SENP6: variants seen among roughly 807,000 people sequenced by gnomAD.
SENP6 encodes SUMO specific peptidase 6, also known as sentrin-specific protease 6.
SENP6 carries 41 observed loss-of-function variants against 134.5 expected under a neutral mutation model. The observed-to-expected ratio is 0.30, with a 90% CI of 0.24 to 0.40. The LOEUF (loss-of-function observed/expected upper bound fraction) is 0.40. Among genes scored for constraint, SENP6 ranks in the 10% least tolerant of loss-of-function variants. The pLI is 1.00. For missense variants in SENP6, 1,248 were observed against 1,312.5 expected, an observed-to-expected ratio of 0.95 and a Z score of 0.76; for synonymous variants, 395 against 429.8, an observed-to-expected ratio of 0.92 and a Z score of 1.00.
At chr6:75,660,465 T>C (rs1239145987) in intron 8 of SENP6, among the ~76,000 whole-genome samples, 1 of 152,222 alleles carries the variant, frequency 6.6e-6, no homozygotes, top group African/African-American at 2.4e-5. Context: ...GTAACTTTCA[T>C]GATGTTTCAT....
chr6:75,670,363 T>C (rs1465719246), intron 10 of SENP6, among the ~76,000 whole-genome samples, 190 bp from the exon 11 acceptor site: 1 of 152,208 alleles, frequency 6.6e-6, no homozygotes, highest in African/African-American at 2.4e-5. Flanking sequence ...AAAGTATAGC[T>C]AAATAAGATA....
intron 21 of SENP6, among the ~76,000 whole-genome samples, 190 bp downstream of exon 21, chr6:75,711,606 A>C (rs1465009633): frequency 6.6e-6 from 1 of 152,132 alleles, no homozygotes; most frequent in African/African-American, 2.4e-5. Context: ...TCAGTCCTCC[A>C]TTTGCCAGTT....
Position 75,612,674 on chromosome 6 carries a change from A to G in SENP6, c.53-8858A>G, listed in dbSNP as rs73453040. On this transcript the variant is annotated intron_variant, in intron 1 of 23. Coordinates refer to ENST00000447266, the MANE Select transcript of SENP6 (RefSeq NM_015571.4). ...ACATCACTACAGTGGGAGATGATGC[A>G]TAGAAACAGGAAACAGGAAAACTTA... is the stretch of plus-strand genomic sequence containing the variant. Among the ~76,000 whole-genome samples the G allele has an allele frequency of 9.5e-3, 1,441 of 152,308 alleles. 23 individuals carry two copies. Among genetic ancestry groups the G allele is most frequent in the African/African-American group, 0.033 (1,380 of 41,558 alleles).
At chr6:75,628,516 A>G (rs1337907356) in intron 3 of SENP6, among the ~76,000 whole-genome samples, 1 of 152,162 alleles carries the variant, frequency 6.6e-6, no homozygotes, top group Non-Finnish European at 1.5e-5. Flanking sequence ...TTATTCATTT[A>G]GTTCATCTAT....
intron 21 of SENP6, among the ~76,000 whole-genome samples, chr6:75,713,100 A>G (rs1372888563): frequency 6.6e-6 from 1 of 152,106 alleles, no homozygotes. Flanking sequence ...ACCCTGCCTG[A>G]AAAAAATGGG....
chr6:75,687,165 CTCTT>C (rs1472887153), intron 16 of SENP6, among the ~76,000 whole-genome samples: 2 of 152,142 alleles, frequency 1.3e-5, no homozygotes, highest in Admixed American at 6.5e-5. Context: ...ATCACTGATA[CTCTT>C]TCTTCCTCTT....
In SENP6 at chr6:75,617,263, C is replaced by CTTTTTTTT. The variant is rs71002751; in HGVS notation, c.53-4249_53-4242dup. ...GATGGTTTGGAGAATTTCTTTCTTT[C>CTTTTTTTT]TTTTTTTTTTTTTTTTTTTTTTTTT... On this transcript the variant is annotated intron_variant, in intron 1 of 23. Coordinates refer to ENST00000447266, the MANE Select transcript of SENP6 (RefSeq NM_015571.4). Among the ~76,000 whole-genome samples the CTTTTTTTT allele has an allele frequency of 5.3e-3, 310 of 58,112 alleles. 5 individuals carry two copies. Among genetic ancestry groups the CTTTTTTTT allele is most frequent in the Middle Eastern group, 0.019 (1 of 52 alleles). The allele number at this position is 58,112 out of a possible 152,430, so 38.1% of individuals were successfully genotyped here.
chr6:75,602,297 G>T lies in SENP6; in HGVS notation c.-228G>T. On this transcript the variant is annotated 5_prime_UTR_variant, in exon 1 of 24. Coordinates refer to ENST00000447266, the MANE Select transcript of SENP6 (RefSeq NM_015571.4). ...GCGTTCCCCCGGAGAGGCCTGAGAA[G>T]CTCGGGCCGCGGGCCTCGCTGCCCG... is the stretch of plus-strand genomic sequence containing the variant. 2.2e-6 allele frequency: 1 copy of T among 458,158 alleles called. No individual in the cohort carries two copies. Among genetic ancestry groups the T allele is most frequent in the Non-Finnish European group, 3.8e-6 (1 of 261,444 alleles). 28.4% of individuals were successfully genotyped at this position (458,158 alleles called of 1,614,324 possible). A position where few individuals can be genotyped will look rare whatever the true frequency, so the allele number is the denominator to read the frequency against.
intron 3 of SENP6, among the ~76,000 whole-genome samples, chr6:75,630,013 A>G (rs182717613): frequency 1.3e-5 from 2 of 152,304 alleles, no homozygotes; most frequent in African/African-American, 2.4e-5. Flanking sequence ...TTGTATCACA[A>G]ATTCCTGGAA....
chr6:75,687,155 A>G (rs559856996), intron 16 of SENP6, among the ~76,000 whole-genome samples: 211 of 152,174 alleles, frequency 1.4e-3, no homozygotes, highest in African/African-American at 4.9e-3. Flanking sequence ...TTGACCTTCA[A>G]TCACTGATAC....
chr6:75,671,800 A>G (rs186991637), intron 11 of SENP6, among the ~76,000 whole-genome samples: 169 of 152,346 alleles, frequency 1.1e-3, no homozygotes, highest in African/African-American at 3.8e-3. Context: ...AATGAATAAT[A>G]ACTGTTTCTT....
intron 7 of SENP6, among the ~76,000 whole-genome samples, chr6:75,655,490 G>T (rs1174950261): frequency 1.3e-5 from 2 of 152,074 alleles, no homozygotes; most frequent in Non-Finnish European, 2.9e-5. Flanking sequence ...TGTAACCATT[G>T]TTCTGATTTT....
intron 8 of SENP6, among the ~76,000 whole-genome samples, chr6:75,659,805 A>ATAAACGTG (rs1450870286): frequency 6.6e-6 from 1 of 152,142 alleles, no homozygotes; most frequent in Admixed American, 6.5e-5. Context: ...CTGCCTACCC[A>ATAAACGTG]TAAACGTGTG....
Position 75,602,317 on chromosome 6 carries a change from T to C in SENP6, c.-208T>C, listed in dbSNP as rs1766682321. On this transcript the variant is annotated 5_prime_UTR_variant, in exon 1 of 24. Transcript: ENST00000447266. ...GAGAAGCTCGGGCCGCGGGCCTCGCTGCCCGCCAGCCCGCGGACAGGCCCG... is the reference window on the plus strand; with the variant it reads ...GAGAAGCTCGGGCCGCGGGCCTCGCCGCCCGCCAGCCCGCGGACAGGCCCG... 1 of 475,592 alleles carries C rather than the reference T, an allele frequency of 2.1e-6. No individual in the cohort carries two copies. The highest frequency in any genetic ancestry group is 3.4e-5 in the South Asian group (1 of 29,236). 29.5% of individuals were successfully genotyped at this position (475,592 alleles called of 1,614,324 possible). A position where few individuals can be genotyped will look rare whatever the true frequency, so the allele number is the denominator to read the frequency against.
chr6:75,635,290 G>C (rs1256824704), intron 5 of SENP6, among the ~76,000 whole-genome samples: 1 of 152,110 alleles, frequency 6.6e-6, no homozygotes, highest in Non-Finnish European at 1.5e-5. Flanking sequence ...TGAAAGTACT[G>C]CTTGAGTCAA....
intron 1 of SENP6, among the ~76,000 whole-genome samples, chr6:75,605,865 A>T (rs1169212115): frequency 6.6e-6 from 1 of 152,162 alleles, no homozygotes; most frequent in African/African-American, 2.4e-5. Context: ...ATAAATTAGG[A>T]TAATATTGTA....
At chr6:75,645,866 C>A (rs1015569978) in intron 6 of SENP6, among the ~76,000 whole-genome samples, 1 of 152,098 alleles carries the variant, frequency 6.6e-6, no homozygotes, top group African/African-American at 2.4e-5. Context: ...GCCATAAATT[C>A]TGGAAATACA....
chr6:75,625,092 T>C (rs1302933200), intron 3 of SENP6, among the ~76,000 whole-genome samples: 1 of 150,544 alleles, frequency 6.6e-6, no homozygotes, highest in African/African-American at 2.4e-5. Flanking sequence ...GTTGCTAATA[T>C]ATATACGTGT....
chr6:75,632,566 C>G (rs1394566615), intron 3 of SENP6, among the ~76,000 whole-genome samples: 2 of 152,132 alleles, frequency 1.3e-5, no homozygotes, highest in Admixed American at 1.3e-4. Flanking sequence ...TTTATAGTTG[C>G]AGGTCTGACA....
Sources: allele counts gnomAD v4.1 joint callset (sites outside exome capture counted in the v4.1 genomes callset), GRCh38; gene constraint gnomAD v4.1.1; transcripts MANE v1.5; gene names NCBI Gene and HGNC (gene_info 2026-07-23, HGNC 2026-07-21).